NVL: variants seen among roughly 807,000 people sequenced by gnomAD.
NVL encodes the protein nuclear valosin-containing protein-like.
NVL carries 84 observed loss-of-function variants against 110.2 expected under a neutral mutation model. That is an observed-to-expected ratio of 0.76 (90% CI 0.64 to 0.91). The LOEUF is 0.91. NVL is among the 40% of genes least tolerant of loss of function. The probability of loss-of-function intolerance (pLI) is 0.00; values close to 1 mark genes in which losing one functional copy is unlikely to be tolerated. For missense variants in NVL, 882 were observed against 1,035.9 expected (o/e 0.85, Z 2.04); for synonymous variants, 354 against 361.1 (o/e 0.98, Z 0.22).
At chr1:224,276,581 A>G (rs549465748) in intron 16 of NVL, among the ~76,000 whole-genome samples, 1 of 152,270 alleles carries the variant, frequency 6.6e-6, no homozygotes, top group Admixed American at 6.5e-5. Context: ...TTTAATGACT[A>G]TATGGCCATA....
chr1:224,316,201 A>G (rs1403057473), intron 4 of NVL, among the ~76,000 whole-genome samples: 5 of 152,142 alleles, frequency 3.3e-5, no homozygotes, highest in Non-Finnish European at 7.4e-5. Context: ...AAACAGATAA[A>G]TAGATAAAAT....
At chr1:224,242,096 T>C (rs935791983) in intron 19 of NVL, among the ~76,000 whole-genome samples, 1 of 151,800 alleles carries the variant, frequency 6.6e-6, no homozygotes. Context: ...GTACCTAGAA[T>C]AGGCAAAGCA....
At chr1:224,228,894 G>A (rs1287894905) in intron 22 of NVL, among the ~76,000 whole-genome samples, 4 of 130,072 alleles carry the variant, frequency 3.1e-5, no homozygotes, top group South Asian at 2.4e-4. Context: ...AGCCGAGATC[G>A]CGCCATTGCG....
chr1:224,246,008 T>C (rs1661776358), intron 19 of NVL, among the ~76,000 whole-genome samples: 1 of 152,010 alleles, frequency 6.6e-6, no homozygotes, highest in South Asian at 2.1e-4. Flanking sequence ...TCCTCTCTGT[T>C]ACCCACCCCA....
chr1:224,322,455 T>A (rs1572073331), intron 2 of NVL, among the ~76,000 whole-genome samples: 3 of 152,040 alleles, frequency 2.0e-5, no homozygotes, highest in Admixed American at 2.0e-4. Context: ...CAAAGTGAGG[T>A]ATACTATTGT....
chr1:224,231,201 C>G (rs764732801), intron 22 of NVL, 25 bp downstream of exon 22: 19 of 1,520,734 alleles, frequency 1.2e-5, no homozygotes, highest in Non-Finnish European at 1.7e-5. Flanking sequence ...TTTCCTTTCT[C>G]TATGCATTTA....
At chr1:224,316,365 TAA>T in intron 4 of NVL, among the ~76,000 whole-genome samples, 1 of 152,094 alleles carries the variant, frequency 6.6e-6, no homozygotes. Context: ...AAATGCAATG[TAA>T]CATACAGTGA....
chr1:224,285,292 G>A (rs578248518), intron 15 of NVL, among the ~76,000 whole-genome samples: 19 of 152,114 alleles, frequency 1.2e-4, no homozygotes, highest in Non-Finnish European at 2.5e-4. Context: ...AAAATTAGCC[G>A]GGCGTGGTGG....
intron 19 of NVL, chr1:224,236,790 AGTC>A: frequency 2.2e-6 from 1 of 459,152 alleles, no homozygotes; most frequent in South Asian, 2.1e-5. Flanking sequence ...ATGCACCTGT[AGTC>A]CCAGCTACTC....
At chr1:224,288,541 A>T (rs778063156) in intron 13 of NVL, among the ~76,000 whole-genome samples, 1 of 152,162 alleles carries the variant, frequency 6.6e-6, no homozygotes, top group Non-Finnish European at 1.5e-5. Context: ...CAATTTATAA[A>T]ATATTAATTT....
In NVL at chr1:224,295,927, T is replaced by C. The variant is rs112434735; in HGVS notation, c.1180+574A>G. 4.2e-3 allele frequency among the ~76,000 whole-genome samples: 558 copies of C among 131,680 alleles called. 1 individual carries two copies. Among genetic ancestry groups the C allele is most frequent in the Admixed American group, 0.011 (118 of 10,824 alleles). 86.4% of individuals were successfully genotyped at this position (131,680 alleles called of 152,430 possible). On this transcript the variant is annotated intron_variant, in intron 11 of 22. Coordinates refer to ENST00000281701, the MANE Select transcript of NVL (RefSeq NM_002533.4). ...TTGCAGCGAGTTGAGATCATGCCAG[T>C]GCACTCAAGCCTAGGCAACAGAGAC... is the stretch of plus-strand genomic sequence containing the variant.
intron 10 of NVL, chr1:224,298,519 C>A: frequency 4.6e-6 from 1 of 215,240 alleles, no homozygotes; most frequent in South Asian, 8.3e-5. Flanking sequence ...TCAGCATGCT[C>A]CACCCAGAGA....
At position 224,326,435 on chromosome 1, in the gene NVL, A is replaced by T; in HGVS notation, c.87T>A (p.Tyr29Ter). ...QYLTSNKCGK[Y>*]VDIGVLASDL... ...CAGACGCTAAGACTCCAATGTCCAC[A>T]TATTTGCCACATTTGTTACTGGTAA... The change falls in exon 2 of 23, where the codon TAT (tyrosine) becomes TAA (stop). Residue 29 changes from tyrosine to a stop codon, truncating the protein, a stop_gained. Transcript: ENST00000281701. LOFTEE classifies it high-confidence loss of function. The T allele has an allele frequency of 6.2e-7, 1 of 1,612,724 alleles. No individual in the cohort carries two copies. The highest frequency in any genetic ancestry group is 1.3e-5 in the African/African-American group (1 of 75,038).
At chr1:224,280,179 G>GTT (rs1367873488) in intron 16 of NVL, among the ~76,000 whole-genome samples, 187 of 123,338 alleles carry the variant, frequency 1.5e-3, no homozygotes, top group African/African-American at 4.3e-3. Context: ...GTTTTTTTTT[G>GTT]TTTTTTTTTT....
chr1:224,282,255 G>A (rs897940131), intron 15 of NVL, among the ~76,000 whole-genome samples: 3 of 151,788 alleles, frequency 2.0e-5, no homozygotes, highest in Admixed American at 6.6e-5. Flanking sequence ...TTTGGTAGAG[G>A]CAGGGTTTTG....
intron 6 of NVL, among the ~76,000 whole-genome samples, chr1:224,307,500 A>G (rs1379982095): frequency 1.3e-5 from 2 of 152,168 alleles, no homozygotes; most frequent in Non-Finnish European, 2.9e-5. Flanking sequence ...CCAAGAGTTC[A>G]AGACCAGCTT....
intron 1 of NVL, 31 bp downstream of exon 1, chr1:224,330,040 T>A: frequency 6.2e-7 from 1 of 1,611,926 alleles, no homozygotes; most frequent in South Asian, 1.1e-5. Flanking sequence ...ATCGGGGCCC[T>A]TGGCGAGGCC....
chr1:224,235,906 C>A (rs181117564), intron 20 of NVL, among the ~76,000 whole-genome samples: 1,630 of 148,152 alleles, frequency 0.011, 15 homozygotes, highest in Non-Finnish European at 0.016. Context: ...GTACTCCAGC[C>A]TGGGTGAAAG....
At chr1:224,288,993 C>T (rs990032908) in intron 13 of NVL, among the ~76,000 whole-genome samples, 1 of 152,100 alleles carries the variant, frequency 6.6e-6, no homozygotes, top group Non-Finnish European at 1.5e-5. Flanking sequence ...TCTACCTAAC[C>T]AAAAGTTAAC....
Sources: gnomAD v4.1 joint callset for allele counts (sites outside exome capture counted in the v4.1 genomes callset) on GRCh38, gnomAD v4.1.1 for gene constraint, MANE v1.5 for transcripts, NCBI Gene and HGNC (gene_info 2026-07-23, HGNC 2026-07-21) for gene names.